Variants in KPNA7 observed in about 807,000 individuals in gnomAD.
KPNA7 encodes karyopherin subunit alpha 7.
Under a neutral mutation model 53.7 loss-of-function variants are expected in KPNA7, and 54 were observed. The observed-to-expected ratio is 1.01, with a 90% CI of 0.81 to 1.26. KPNA7 has a LOEUF of 1.26. KPNA7 is among the 50% of genes most tolerant of loss of function. The probability of loss-of-function intolerance (pLI) is 0.00; values close to 1 mark genes in which losing one functional copy is unlikely to be tolerated. For synonymous variants in KPNA7, 276 were observed against 259.3 expected, an observed-to-expected ratio of 1.06 and a Z score of -0.62; for missense variants, 640 against 644.5, an observed-to-expected ratio of 0.99 and a Z score of 0.07.
At chr7:99,163,359 G>A in the KPNA7 span, among the ~76,000 whole-genome samples, 3 of 66,448 alleles carry the variant, frequency 4.5e-5, no homozygotes, top group Admixed American at 2.5e-4. Flanking sequence ...ATGAGTGTGT[G>A]TATATATATA....
Position 99,207,442 on chromosome 7 carries a change from C to G in KPNA7, c.25G>C (p.Glu9Gln), listed in dbSNP as rs375192992. Residue 9 changes from glutamate to glutamine, a missense_variant, in exon 2 of 11, where the codon GAG becomes CAG. Transcript: ENST00000327442. MPTLDAPEERRRKFKYRGK... is the reference protein window; with the variant it reads MPTLDAPEQRRRKFKYRGK... ...CGGTACTTAAATTTTCTCCGCCTCT[C>G]TTCTGGAGCATCTAAGGTCGGCATA... 5.6e-5 allele frequency: 87 copies of G among 1,551,248 alleles called. No individual in the cohort carries two copies. Among genetic ancestry groups the G allele is most frequent in the Non-Finnish European group, 7.4e-5 (85 of 1,146,934 alleles).
At chr7:99,207,801 A>G (rs1443200689) in intron 1 of KPNA7, among the ~76,000 whole-genome samples, 1 of 149,234 alleles carries the variant, frequency 6.7e-6, no homozygotes, top group Non-Finnish European at 1.5e-5. Context: ...ACGCCCGGCT[A>G]ATTTTTGTCT....
chr7:99,180,668 TG>T (rs1799149734), intron 9 of KPNA7, among the ~76,000 whole-genome samples: 1 of 39,134 alleles, frequency 2.6e-5, no homozygotes, highest in Non-Finnish European at 1.0e-4. Context: ...TCCCCATCTG[TG>T]TGTGTGTCTC....
intron 10 of KPNA7, among the ~76,000 whole-genome samples, chr7:99,176,314 AAAGAAAGAAAG>A (rs1798903750): frequency 4.2e-5 from 3 of 72,026 alleles, no homozygotes; most frequent in Non-Finnish European, 9.4e-5. Context: ...AAAAAAAAAG[AAAGAAAGAAAG>A]AAAGAAAAGA....
intron 10 of KPNA7, among the ~76,000 whole-genome samples, chr7:99,176,035 C>T (rs959520428): frequency 3.3e-5 from 5 of 152,128 alleles, no homozygotes; most frequent in East Asian, 1.9e-4. Context: ...TGGTGGCTCA[C>T]GCCTGTAATC....
chr7:99,160,078 G>C, the KPNA7 span, among the ~76,000 whole-genome samples: 3 of 135,046 alleles, frequency 2.2e-5, no homozygotes, highest in Admixed American at 7.8e-5. Flanking sequence ...AGGTTGGAGT[G>C]CAGTGGTACG....
downstream of KPNA7, among the ~76,000 whole-genome samples, chr7:99,170,132 CCCCG>C (rs1563060602): frequency 1.3e-5 from 2 of 152,140 alleles, no homozygotes; most frequent in Non-Finnish European, 2.9e-5. Flanking sequence ...CAATGACAGG[CCCCG>C]CTCACAGCCT....
At chr7:99,195,458 G>A (rs1432256216) in intron 4 of KPNA7, 120 bp from the exon 5 acceptor site, 10 of 923,832 alleles carry the variant, frequency 1.1e-5, no homozygotes, top group Admixed American at 1.0e-4. Context: ...GGAGACCAAG[G>A]CGGGCAGATC....
downstream of KPNA7, among the ~76,000 whole-genome samples, chr7:99,171,674 T>C (rs373447980): frequency 8.5e-5 from 13 of 152,270 alleles, no homozygotes; most frequent in East Asian, 5.8e-4. Context: ...GGCGGGAGGA[T>C]TGCTTTAGCA....
intron 5 of KPNA7, among the ~76,000 whole-genome samples, chr7:99,194,334 G>GT (rs1207538061): frequency 1.8e-4 from 28 of 151,730 alleles, no homozygotes; most frequent in East Asian, 9.7e-4. Context: ...AAACCAAGGA[G>GT]TTTTTTTTTG....
chr7:99,171,188 C>T (rs1183157068), downstream of KPNA7, among the ~76,000 whole-genome samples: 1 of 152,040 alleles, frequency 6.6e-6, no homozygotes, highest in Non-Finnish European at 1.5e-5. Context: ...CCACTGCACT[C>T]CAGTCTGGGT....
At chr7:99,170,254 C>T (rs1265925289), downstream of KPNA7, among the ~76,000 whole-genome samples, 1 of 152,106 alleles carries the variant, frequency 6.6e-6, no homozygotes, top group Non-Finnish European at 1.5e-5. Flanking sequence ...AGAATCAATG[C>T]ATAAACAAAG....
intron 3 of KPNA7, among the ~76,000 whole-genome samples, chr7:99,199,065 G>GAAAAAAAAAAAAAAAAAAA (rs67877761): frequency 3.3e-5 from 2 of 61,128 alleles, no homozygotes; most frequent in Admixed American, 2.1e-4. Context: ...GCTGCAAACT[G>GAAAAAAAAAAAAAAAAAAA]AAAAAAAAAA....
intron 7 of KPNA7, among the ~76,000 whole-genome samples, chr7:99,187,503 C>G (rs1337843015): frequency 6.6e-6 from 1 of 151,438 alleles, no homozygotes; most frequent in African/African-American, 2.4e-5. Flanking sequence ...ATTCTCCCAA[C>G]TCTGCCTCCC....
chr7:99,171,464 T>TG (rs1019433822), downstream of KPNA7, among the ~76,000 whole-genome samples: 11 of 151,996 alleles, frequency 7.2e-5, no homozygotes, highest in African/African-American at 2.4e-4. Context: ...GTTTTGGAGA[T>TG]GGGGTCTCAC....
chr7:99,149,919 C>T, the KPNA7 span, among the ~76,000 whole-genome samples: 1 of 152,058 alleles, frequency 6.6e-6, no homozygotes, highest in African/African-American at 2.4e-5. Flanking sequence ...CTCAGCCTCC[C>T]GAGTAGCTCA....
the KPNA7 span, among the ~76,000 whole-genome samples, chr7:99,162,037 ATT>A: frequency 0.013 from 1,415 of 106,834 alleles, 14 homozygotes; most frequent in African/African-American, 0.049. Flanking sequence ...CAAGATTGCA[ATT>A]TTTTTTTTTT....
At chr7:99,203,000 C>G in intron 3 of KPNA7, 106 bp downstream of exon 3, 1 of 1,378,038 alleles carries the variant, frequency 7.3e-7, no homozygotes, top group Non-Finnish European at 9.8e-7. Flanking sequence ...CTTTAAAAGC[C>G]CAAAACGAGA....
At chr7:99,169,776 C>T (rs564356947), downstream of KPNA7, among the ~76,000 whole-genome samples, 1 of 151,970 alleles carries the variant, frequency 6.6e-6, no homozygotes, top group East Asian at 1.9e-4. Flanking sequence ...CGCAGTGGCT[C>T]ACGCCTGTAA....
Sources: gnomAD v4.1 joint callset for allele counts (sites outside exome capture counted in the v4.1 genomes callset) on GRCh38, gnomAD v4.1.1 for gene constraint, MANE v1.5 for transcripts, NCBI Gene and HGNC (gene_info 2026-07-23, HGNC 2026-07-21) for gene names.